Variants in OSBPL5 observed in about 807,000 individuals in gnomAD.
The protein encoded by OSBPL5 is oxysterol-binding protein-related protein 5.
In OSBPL5, 71 loss-of-function variants were observed where a neutral mutation model predicts 111.2. The ratio of observed to expected loss-of-function variants is 0.64; its 90% confidence interval spans 0.53 to 0.78. The LOEUF is 0.78. Among genes scored for constraint, OSBPL5 ranks in the 30% least tolerant of loss-of-function variants. OSBPL5 has a pLI of 0.00. For missense variants in OSBPL5, 1,210 were observed against 1,189.3 expected (o/e 1.02, Z -0.26); for synonymous variants, 549 against 513.9 (o/e 1.07, Z -0.93).
Position 3,121,968 on chromosome 11 carries a change from TG to T in OSBPL5, c.402+28del. On this transcript the variant is annotated intron_variant, in intron 5 of 21. Coordinates refer to ENST00000263650, the MANE Select transcript of OSBPL5 (RefSeq NM_020896.4). The surrounding 1 kb of genome is among the most constrained non-coding windows in gnomAD (Gnocchi z 4.3). ...GGCAGCAGCACGCTGACCCGTGTCC[TG>T]GGTGGCCGGAGGCCGGGCATCACCT... is the stretch of plus-strand genomic sequence containing the variant. 1 of 1,534,300 alleles carries T rather than the reference TG, an allele frequency of 6.5e-7. No individual in the cohort carries two copies. The highest frequency in any genetic ancestry group is 8.8e-7 in the Non-Finnish European group (1 of 1,141,042).
intron 7 of OSBPL5, among the ~76,000 whole-genome samples, chr11:3,115,193 GC>G (rs1314457268): frequency 1.3e-5 from 2 of 152,064 alleles, no homozygotes; most frequent in Admixed American, 1.3e-4. Context: ...GAAGGTATTT[GC>G]TTTTGCCTTT....
At chr11:3,114,659 C>T (rs1467803092) in intron 7 of OSBPL5, among the ~76,000 whole-genome samples, 2 of 125,840 alleles carry the variant, frequency 1.6e-5, no homozygotes, top group South Asian at 2.6e-4. Flanking sequence ...AGTGCAGTGG[C>T]GTGATCTTGG....
Position 3,092,744 on chromosome 11 carries a change from C to T in OSBPL5, c.2132+123G>A. 1.5e-6 allele frequency: 2 copies of T among 1,374,196 alleles called. No individual in the cohort carries two copies. Among genetic ancestry groups the T allele is most frequent in the Non-Finnish European group, 1.9e-6 (2 of 1,031,646 alleles). The allele number at this position is 1,374,196 out of a possible 1,614,324, so 85.1% of individuals were successfully genotyped here. A position where few individuals can be genotyped will look rare whatever the true frequency, so the allele number is the denominator to read the frequency against. Reference sequence around the variant, plus strand: ...GGGGGTGTCACTATCTGACCCTCCCCCACCGACTCCTCCAGGGGACAGGCT... The same window carrying T: ...GGGGGTGTCACTATCTGACCCTCCCTCACCGACTCCTCCAGGGGACAGGCT... On this transcript the variant is annotated intron_variant, in intron 18 of 21. Transcript: ENST00000263650. This position sits in a 1 kb window ranked among gnomAD's most constrained non-coding sequence, Gnocchi z 5.4.
rs554749277 is a variant in OSBPL5 at position 3,100,911 on chromosome 11, G to A, written c.1523-655C>T. On this transcript the variant is annotated intron_variant, in intron 13 of 21. Coordinates refer to ENST00000263650, the MANE Select transcript of OSBPL5 (RefSeq NM_020896.4). ...GCTTCCCTCCTGCCTGTCCCACTCC[G>A]GGGCCAACACTGAGCCTGTGTGATT... 7.9e-5 allele frequency among the ~76,000 whole-genome samples: 12 copies of A among 152,188 alleles called. No individual in the cohort carries two copies. The East Asian group carries it at 1.7e-3, about 22-fold the overall frequency.
chr11:3,151,492 C>T (rs1324781258), intron 1 of OSBPL5, among the ~76,000 whole-genome samples: 2 of 152,222 alleles, frequency 1.3e-5, no homozygotes, highest in Non-Finnish European at 2.9e-5. Context: ...CCTGACCTGG[C>T]CGCTTCCTGC....
intron 7 of OSBPL5, among the ~76,000 whole-genome samples, chr11:3,111,315 T>G (rs1031062141): frequency 6.6e-6 from 1 of 152,182 alleles, no homozygotes; most frequent in Non-Finnish European, 1.5e-5. Flanking sequence ...AACTCCTTTA[T>G]GGAGTTCGAG....
At chr11:3,163,564 A>T (rs1847027937) in intron 1 of OSBPL5, among the ~76,000 whole-genome samples, 1 of 152,210 alleles carries the variant, frequency 6.6e-6, no homozygotes, top group Admixed American at 6.5e-5. Context: ...TTCTGTAAAG[A>T]GCTGAAAGCA....
At position 3,088,188 on chromosome 11, in the gene OSBPL5, C is replaced by A; in HGVS notation, c.*17G>T. 6.4e-7 allele frequency: 1 copy of A among 1,557,984 alleles called. No individual in the cohort carries two copies. Among genetic ancestry groups the A allele is most frequent in the Non-Finnish European group, 8.7e-7 (1 of 1,149,336 alleles). On this transcript the variant is annotated 3_prime_UTR_variant, in exon 22 of 22. Coordinates refer to ENST00000263650, the MANE Select transcript of OSBPL5 (RefSeq NM_020896.4). ...GGGAGGGCTCAGGACCGGCCAGGAGCTCTGCCCTCAGGGCTCCTATTTGAG... is the reference window on the plus strand; with the variant it reads ...GGGAGGGCTCAGGACCGGCCAGGAGATCTGCCCTCAGGGCTCCTATTTGAG...
At chr11:3,102,341 C>A in intron 11 of OSBPL5, 60 bp from the exon 12 acceptor site, 1 of 1,501,926 alleles carries the variant, frequency 6.7e-7, no homozygotes, top group Non-Finnish European at 9.1e-7. Context: ...CTGTGCAGAG[C>A]AGGTGAGGGA....
At chr11:3,158,673 A>G (rs1435677176) in intron 1 of OSBPL5, among the ~76,000 whole-genome samples, 2 of 152,260 alleles carry the variant, frequency 1.3e-5, no homozygotes, top group Non-Finnish European at 2.9e-5. Flanking sequence ...GGCTGCACAC[A>G]GTGGTGCAGG....
intron 1 of OSBPL5, among the ~76,000 whole-genome samples, chr11:3,145,620 A>G (rs1846314886): frequency 1.3e-5 from 2 of 152,162 alleles, no homozygotes; most frequent in South Asian, 4.1e-4. Context: ...CCCACACACA[A>G]GAGCAGGGGT....
At position 3,124,811 on chromosome 11, in the gene OSBPL5, A is replaced by AATGGACGGATGGATGG. The variant is rs113028978; in HGVS notation, c.219+1661_219+1662insCCATCCATCCGTCCAT. Among the ~76,000 whole-genome samples the AATGGACGGATGGATGG allele has an allele frequency of 2.3e-3, 340 of 150,782 alleles. 2 individuals are homozygous for AATGGACGGATGGATGG. Among genetic ancestry groups the AATGGACGGATGGATGG allele is most frequent in the African/African-American group, 8.1e-3 (332 of 41,012 alleles). On this transcript the variant is annotated intron_variant, in intron 3 of 21. Transcript: ENST00000263650. ...AGCATCTCGAATGAATGAATGGATG[A>AATGGACGGATGGATGG]ATGGATGGATGGATGGATGGATGGA... is the stretch of plus-strand genomic sequence containing the variant.
chr11:3,103,728 CCCTTCCTGCCTCTGCAACCCTCTTCCAG>C (rs1857547853), intron 10 of OSBPL5, among the ~76,000 whole-genome samples: 1 of 68,570 alleles, frequency 1.5e-5, no homozygotes, highest in Admixed American at 1.5e-4. Flanking sequence ...GCTCTGCTGC[CCCTTCCTGCCTCTGCAACCCTCTTCCAG>C]CTCTGCAGCC....
At chr11:3,149,134 C>A (rs1308723336) in intron 1 of OSBPL5, among the ~76,000 whole-genome samples, 1 of 152,238 alleles carries the variant, frequency 6.6e-6, no homozygotes, top group Non-Finnish European at 1.5e-5. Context: ...TTAGCAATAG[C>A]CCTTTCCAGA....
intron 21 of OSBPL5, 23 bp from the exon 22 acceptor site, chr11:3,088,366 GT>G: frequency 6.6e-7 from 1 of 1,515,340 alleles, no homozygotes; most frequent in Non-Finnish European, 8.8e-7. Context: ...GCGACAGATC[GT>G]GGGGGCTGTG....
In OSBPL5 at chr11:3,092,828, GC is replaced by G; in HGVS notation, c.2132+38del. On this transcript the variant is annotated intron_variant, in intron 18 of 21. Transcript: ENST00000263650. The surrounding 1 kb of genome is among the most constrained non-coding windows in gnomAD (Gnocchi z 5.4). Reference sequence around the variant, plus strand: ...CTTCTCAGCCCGTCTGCTAGGCCCAGCCCCACCCTGTGGCCCCCAGGGCTTT... The same window carrying G: ...CTTCTCAGCCCGTCTGCTAGGCCCAGCCCACCCTGTGGCCCCCAGGGCTTT... 1 of 1,497,238 alleles carries G rather than the reference GC, an allele frequency of 6.7e-7. No homozygotes were observed. The allele number at this position is 1,497,238 out of a possible 1,614,324, so 92.7% of individuals were successfully genotyped here.
chr11:3,129,445 G>T (rs1858750357), intron 1 of OSBPL5: 3 of 235,136 alleles, frequency 1.3e-5, no homozygotes, highest in Non-Finnish European at 2.5e-5. Flanking sequence ...CTCGGAAGAT[G>T]TCCTTCTCAG....
rs141993978 is a variant in OSBPL5 at position 3,108,526 on chromosome 11, C to T, written c.692-581G>A. 5.9e-3 allele frequency among the ~76,000 whole-genome samples: 895 copies of T among 152,242 alleles called. 4 individuals carry two copies. The highest frequency in any genetic ancestry group is 0.02 in the African/African-American group (850 of 41,548). ...ACCAGGGAGGAGACCTGCCTGAGGCCGCCCAGAGGCTCTGTGGGCAGCGGT... is the reference window on the plus strand; with the variant it reads ...ACCAGGGAGGAGACCTGCCTGAGGCTGCCCAGAGGCTCTGTGGGCAGCGGT... On this transcript the variant is annotated intron_variant, in intron 7 of 21. Transcript: ENST00000263650.
chr11:3,125,821 A>C (rs1198581619), intron 3 of OSBPL5, among the ~76,000 whole-genome samples: 2 of 149,016 alleles, frequency 1.3e-5, no homozygotes, highest in Non-Finnish European at 3.0e-5. Context: ...AAAAAAAAAA[A>C]AATACAAAAA....
Sources: allele counts gnomAD v4.1 joint callset (sites outside exome capture counted in the v4.1 genomes callset), GRCh38; gene constraint gnomAD v4.1.1; non-coding constraint Gnocchi (gnomAD v3.1); transcripts MANE v1.5; gene names NCBI Gene and HGNC (gene_info 2026-07-23, HGNC 2026-07-21).